LRRTM4: variants seen among roughly 807,000 people sequenced by gnomAD.
LRRTM4 encodes leucine rich repeat transmembrane neuronal 4, also known as leucine-rich repeat transmembrane neuronal protein 4.
In LRRTM4, 25 loss-of-function variants were observed where a neutral mutation model predicts 47.6. That is an observed-to-expected ratio of 0.53 (90% confidence interval 0.38 to 0.73). LRRTM4 has a LOEUF of 0.73. Ranked by LOEUF, LRRTM4 falls within the 30% of genes least tolerant of loss-of-function variation. The pLI is 0.00. For synonymous variants in LRRTM4, 311 were observed against 269.5 expected, an observed-to-expected ratio of 1.15 and a Z score of -1.51; for missense variants, 638 against 713.4, an observed-to-expected ratio of 0.89 and a Z score of 1.20.
intron 3 of LRRTM4, among the ~76,000 whole-genome samples, chr2:76,802,243 A>C (rs1675737509): frequency 6.6e-6 from 1 of 151,984 alleles, no homozygotes; most frequent in Non-Finnish European, 1.5e-5. Context: ...CACCAAAAAA[A>C]AAAAAAACTG....
intron 3 of LRRTM4, among the ~76,000 whole-genome samples, chr2:77,345,751 A>T (rs1013987160): frequency 2.0e-5 from 3 of 151,860 alleles, no homozygotes; most frequent in Non-Finnish European, 4.4e-5. Flanking sequence ...AGTTTTTTTT[A>T]AAGTTAAATA....
intron 3 of LRRTM4, among the ~76,000 whole-genome samples, chr2:76,837,980 A>G (rs1573191288): frequency 6.6e-6 from 1 of 151,968 alleles, no homozygotes. Flanking sequence ...AGATATACCT[A>G]ATGCTAAATG....
At chr2:77,450,376 A>G (rs1175261131) in intron 3 of LRRTM4, among the ~76,000 whole-genome samples, 1 of 152,002 alleles carries the variant, frequency 6.6e-6, no homozygotes, top group African/African-American at 2.4e-5. Flanking sequence ...AATAAAAATA[A>G]TCACATGCTA....
At chr2:77,131,318 C>A (rs1671797859) in intron 3 of LRRTM4, among the ~76,000 whole-genome samples, 1 of 152,126 alleles carries the variant, frequency 6.6e-6, no homozygotes, top group African/African-American at 2.4e-5. Context: ...AAAGGCCCTT[C>A]CCTTCTAAAT....
At chr2:77,431,480 A>C (rs2103906248) in intron 3 of LRRTM4, among the ~76,000 whole-genome samples, 1 of 148,924 alleles carries the variant, frequency 6.7e-6, no homozygotes, top group Non-Finnish European at 1.5e-5. Flanking sequence ...TTCAGACCAT[A>C]GAATTCTGCC....
chr2:76,764,292 C>A (rs568393817), intron 3 of LRRTM4, among the ~76,000 whole-genome samples: 1 of 152,238 alleles, frequency 6.6e-6, no homozygotes, highest in East Asian at 1.9e-4. Context: ...CTAAAGAGAA[C>A]AATAAGGCTG....
At chr2:76,958,328 T>C (rs1326711802) in intron 3 of LRRTM4, among the ~76,000 whole-genome samples, 2 of 151,844 alleles carry the variant, frequency 1.3e-5, no homozygotes, top group South Asian at 2.1e-4. Flanking sequence ...GACTCTATGG[T>C]TTTCTGGCAT....
chr2:76,922,574 T>G (rs1167032618), intron 3 of LRRTM4, among the ~76,000 whole-genome samples: 1 of 151,924 alleles, frequency 6.6e-6, no homozygotes, highest in African/African-American at 2.4e-5. Flanking sequence ...CCCTAAAAAT[T>G]TGAATTCATA....
At chr2:77,481,432 A>C (rs570874851) in intron 3 of LRRTM4, among the ~76,000 whole-genome samples, 1 of 152,170 alleles carries the variant, frequency 6.6e-6, no homozygotes, top group Non-Finnish European at 1.5e-5. Flanking sequence ...TGCTTATCCC[A>C]CACTGCAGAA....
intron 3 of LRRTM4, among the ~76,000 whole-genome samples, chr2:77,222,944 T>C (rs1242878573): frequency 1.3e-5 from 2 of 152,144 alleles, no homozygotes; most frequent in Admixed American, 6.5e-5. Flanking sequence ...TGAACATTGA[T>C]GCAAAAATCC....
At chr2:77,123,696 TTTG>T (rs1446212002) in intron 3 of LRRTM4, among the ~76,000 whole-genome samples, 2 of 152,130 alleles carry the variant, frequency 1.3e-5, no homozygotes, top group African/African-American at 4.8e-5. Flanking sequence ...CTTTTTAAAT[TTTG>T]TTTTCACATC....
chr2:76,796,586 T>A lies in LRRTM4; in HGVS notation c.1552-47670A>T, dbSNP rs556754337. Reference sequence around the variant, plus strand: ...ACACGGCAGGGTATTCCAACAGACCTGCAGCTGAGGGTCCTCTCTGTTAGA... The same window carrying A: ...ACACGGCAGGGTATTCCAACAGACCAGCAGCTGAGGGTCCTCTCTGTTAGA... On this transcript the variant is annotated intron_variant, in intron 3 of 3. Transcript: ENST00000409884. 1.1e-4 allele frequency among the ~76,000 whole-genome samples: 13 copies of A among 115,464 alleles called. 1 individual carries two copies. In the Admixed American group the frequency reaches 1.1e-3, roughly 10 times the overall value. The allele number at this position is 115,464 out of a possible 152,430, so 75.7% of individuals were successfully genotyped here.
intron 3 of LRRTM4, among the ~76,000 whole-genome samples, chr2:77,437,006 G>A (rs2103918590): frequency 6.6e-6 from 1 of 151,986 alleles, no homozygotes; most frequent in African/African-American, 2.4e-5. Flanking sequence ...GAACTCTTAT[G>A]TGTCTGGTTT....
chr2:76,790,319 A>AT (rs367833422), intron 3 of LRRTM4, among the ~76,000 whole-genome samples: 90 of 151,008 alleles, frequency 6.0e-4, no homozygotes, highest in South Asian at 1.5e-3. Flanking sequence ...TTTCTGAGGG[A>AT]TTTTTTTTTG....
chr2:76,908,972 T>G (rs558820212), intron 3 of LRRTM4, among the ~76,000 whole-genome samples: 8 of 152,310 alleles, frequency 5.3e-5, no homozygotes, highest in East Asian at 3.9e-4. Context: ...ATGCCTTTCT[T>G]CACAGAATTG....
At chr2:77,050,688 T>A (rs1679401981) in intron 3 of LRRTM4, among the ~76,000 whole-genome samples, 1 of 152,150 alleles carries the variant, frequency 6.6e-6, no homozygotes, top group South Asian at 2.1e-4. Flanking sequence ...GCAAAATACA[T>A]CCTTCACCTA....
intron 3 of LRRTM4, among the ~76,000 whole-genome samples, chr2:77,250,154 C>T (rs925912920): frequency 6.6e-6 from 1 of 151,954 alleles, no homozygotes. Flanking sequence ...TCATAATTGC[C>T]AGAAGTTAGA....
At chr2:77,109,022 T>C (rs1671177020) in intron 3 of LRRTM4, among the ~76,000 whole-genome samples, 1 of 152,016 alleles carries the variant, frequency 6.6e-6, no homozygotes, top group Admixed American at 6.6e-5. Context: ...CTAAAATAAA[T>C]AAAAGAGATA....
chr2:76,813,855 C>T (rs1050006524), intron 3 of LRRTM4, among the ~76,000 whole-genome samples: 4 of 152,136 alleles, frequency 2.6e-5, no homozygotes, highest in Non-Finnish European at 4.4e-5. Context: ...TACCATCTTA[C>T]ATTACTAATG....
Sources: gnomAD v4.1 joint callset for allele counts (sites outside exome capture counted in the v4.1 genomes callset) on GRCh38, gnomAD v4.1.1 for gene constraint, MANE v1.5 for transcripts, NCBI Gene and HGNC (gene_info 2026-07-23, HGNC 2026-07-21) for gene names.